The following SEM1 variants were observed in gnomAD, a reference collection of about 807,000 sequenced individuals.
SEM1 encodes 26S proteasome complex subunit SEM1.
In SEM1, 3 loss-of-function variants were observed where a neutral mutation model predicts 12.7. That is an observed-to-expected ratio of 0.24 (90% CI 0.11 to 0.61). The LOEUF is 0.61. Ranked by LOEUF, SEM1 falls within the 20% of genes least tolerant of loss-of-function variation. The pLI is 0.88. For missense variants in SEM1, 59 were observed against 81.3 expected (o/e 0.73, Z 1.06); for synonymous variants, 30 against 27.8 (o/e 1.08, Z -0.25).
In SEM1 at chr7:96,557,735, G is replaced by A. The variant is rs1244021488; in HGVS notation, c.171-51037C>T. ...GGGCTCCACCCAGTTGGAGCTTCCCGGCTGCTTTGTTTACCTAATCAAGCC... is the reference window on the plus strand; with the variant it reads ...GGGCTCCACCCAGTTGGAGCTTCCCAGCTGCTTTGTTTACCTAATCAAGCC... On this transcript the variant is annotated intron_variant and NMD_transcript_variant, in intron 2 of 3. Coordinates refer to the SEM1 transcript ENST00000466986. Among the ~76,000 whole-genome samples the A allele has an allele frequency of 6.7e-5, 10 of 149,928 alleles. No homozygotes were observed. The East Asian group carries it at 8.0e-4, about 12-fold the overall frequency.
intron 2 of SEM1, among the ~76,000 whole-genome samples, chr7:96,665,886 G>A (rs557322723): frequency 1.3e-5 from 2 of 152,290 alleles, no homozygotes; most frequent in Non-Finnish European, 2.9e-5. Flanking sequence ...ACAATCCTGT[G>A]AGATACCAGC....
chr7:96,575,481 A>T (rs1806173475), intron 2 of SEM1, among the ~76,000 whole-genome samples: 1 of 152,218 alleles, frequency 6.6e-6, no homozygotes, highest in African/African-American at 2.4e-5. Flanking sequence ...GTCCCTTAGC[A>T]GAGCTCAGGT....
At chr7:96,685,391 T>G (rs1038750495), downstream of SEM1, among the ~76,000 whole-genome samples, 4 of 152,154 alleles carry the variant, frequency 2.6e-5, no homozygotes, top group Non-Finnish European at 4.4e-5. Flanking sequence ...CATTTATGTC[T>G]GTATCAATAA....
At chr7:96,642,647 A>G (rs1808651790) in intron 2 of SEM1, among the ~76,000 whole-genome samples, 1 of 151,850 alleles carries the variant, frequency 6.6e-6, no homozygotes, top group African/African-American at 2.4e-5. Context: ...CTAAATAATT[A>G]TTTCTCATCA....
At chr7:96,693,874 T>C (rs551147987) in intron 2 of SEM1, among the ~76,000 whole-genome samples, 9 of 151,920 alleles carry the variant, frequency 5.9e-5, no homozygotes, top group African/African-American at 2.2e-4. Flanking sequence ...ATAGCAGCAC[T>C]ATCCACAATA....
At chr7:96,509,263 C>T (rs1803856899) in intron 2 of SEM1, among the ~76,000 whole-genome samples, 1 of 150,906 alleles carries the variant, frequency 6.6e-6, no homozygotes, top group Non-Finnish European at 1.5e-5. Flanking sequence ...GCCTTGGCCT[C>T]TCAAAGTGCT....
intron 1 of SEM1, chr7:96,496,180 G>T: frequency 1.5e-6 from 1 of 684,000 alleles, no homozygotes. Context: ...TAACTCGTTA[G>T]ATAGTTAAAA....
chr7:96,646,376 C>T (rs114610915), intron 2 of SEM1, among the ~76,000 whole-genome samples: 2,107 of 152,292 alleles, frequency 0.014, 63 homozygotes, highest in African/African-American at 0.048. Flanking sequence ...CTTGCTCATT[C>T]CTAAAAGTCC....
chr7:96,639,424 A>G (rs1808524217), intron 2 of SEM1, among the ~76,000 whole-genome samples: 1 of 151,932 alleles, frequency 6.6e-6, no homozygotes, highest in Non-Finnish European at 1.5e-5. Context: ...CCAGAAATAG[A>G]CCCACAAAAA....
downstream of SEM1, among the ~76,000 whole-genome samples, chr7:96,618,230 T>C (rs1807780027): frequency 6.6e-6 from 1 of 152,218 alleles, no homozygotes; most frequent in African/African-American, 2.4e-5. Context: ...TGTTCAGAAG[T>C]TTCTATTTCT....
At chr7:96,589,832 C>G (rs1001264417) in intron 2 of SEM1, among the ~76,000 whole-genome samples, 2 of 152,172 alleles carry the variant, frequency 1.3e-5, no homozygotes, top group African/African-American at 4.8e-5. Flanking sequence ...ACTACTATTT[C>G]TCCATTTGCT....
chr7:96,581,953 T>C (rs1806426280), intron 2 of SEM1, among the ~76,000 whole-genome samples: 1 of 151,564 alleles, frequency 6.6e-6, no homozygotes, highest in African/African-American at 2.4e-5. Context: ...CCTCTTTGAA[T>C]ACCCTTTATT....
intron 2 of SEM1, among the ~76,000 whole-genome samples, chr7:96,652,485 G>T (rs1222323983): frequency 1.3e-5 from 2 of 151,582 alleles, no homozygotes; most frequent in African/African-American, 4.9e-5. Flanking sequence ...AACACAAAAA[G>T]AATAGAGAAA....
intron 2 of SEM1, among the ~76,000 whole-genome samples, chr7:96,568,238 AT>A (rs57641153): frequency 0.31 from 46,682 of 151,226 alleles, 7,235 homozygotes; most frequent in Middle Eastern, 0.32. Flanking sequence ...AATGTCAACC[AT>A]TTTTTTTAGA....
intron 2 of SEM1, among the ~76,000 whole-genome samples, chr7:96,554,596 G>C (rs990255972): frequency 2.6e-5 from 4 of 151,262 alleles, no homozygotes; most frequent in Non-Finnish European, 5.9e-5. Context: ...GATTCATTTT[G>C]CCAGTATTTT....
intron 2 of SEM1, among the ~76,000 whole-genome samples, chr7:96,514,647 G>T (rs1002666127): frequency 6.6e-5 from 10 of 151,698 alleles, no homozygotes; most frequent in African/African-American, 2.2e-4. Context: ...TTAGAAACAT[G>T]ATACCATTTA....
intron 2 of SEM1, among the ~76,000 whole-genome samples, chr7:96,601,828 A>C (rs764247418): frequency 2.4e-4 from 36 of 152,208 alleles, no homozygotes; most frequent in Admixed American, 4.6e-4. Context: ...AAGTACTGCA[A>C]AATGAAAAAT....
At chr7:96,690,675 C>T (rs1789903351) in intron 2 of SEM1, among the ~76,000 whole-genome samples, 1 of 152,172 alleles carries the variant, frequency 6.6e-6, no homozygotes, top group Non-Finnish European at 1.5e-5. Context: ...AGACTAATGG[C>T]CACTAGTAGG....
At chr7:96,683,174 T>C (rs1376569068) in intron 2 of SEM1, among the ~76,000 whole-genome samples, 1 of 151,140 alleles carries the variant, frequency 6.6e-6, no homozygotes, top group Non-Finnish European at 1.5e-5. Flanking sequence ...GAACTAGAAA[T>C]ACTTGAAACA....
Sources: allele counts gnomAD v4.1 joint callset (sites outside exome capture counted in the v4.1 genomes callset), GRCh38; gene constraint gnomAD v4.1.1; transcripts MANE v1.5; gene names NCBI Gene and HGNC (gene_info 2026-07-23, HGNC 2026-07-21).